The following HORMAD2 variants were observed in gnomAD, a reference collection of about 807,000 sequenced individuals.
HORMAD2 encodes the protein HORMA domain-containing protein 2.
A neutral mutation model predicts 38.8 loss-of-function variants in HORMAD2; 45 were observed. The ratio of observed to expected loss-of-function variants is 1.16; its 90% CI spans 0.91 to 1.49. The LOEUF is 1.49. Among genes scored for constraint, HORMAD2 ranks in the 40% most tolerant of loss-of-function variants. The pLI is 0.00. For missense variants in HORMAD2, 338 were observed against 367.0 expected, an observed-to-expected ratio of 0.92 and a Z score of 0.65; for synonymous variants, 126 against 122.8, an observed-to-expected ratio of 1.03 and a Z score of -0.17.
the HORMAD2 span, among the ~76,000 whole-genome samples, chr22:30,198,575 C>T: frequency 6.6e-6 from 1 of 152,036 alleles, no homozygotes; most frequent in Non-Finnish European, 1.5e-5. Context: ...CTGAACTAGG[C>T]CAGCCCCTAA....
intron 1 of HORMAD2, among the ~76,000 whole-genome samples, chr22:30,088,083 G>A (rs113172601): frequency 1.4e-3 from 121 of 88,252 alleles, no homozygotes; most frequent in South Asian, 6.3e-3. Context: ...GTACACACGT[G>A]TACATATACA....
At position 30,165,034 on chromosome 22, in the gene HORMAD2, G is replaced by T. The variant is rs1387627574; in HGVS notation, c.820-11029G>T. ...TCCTTGTTAATTCCAATGTTATGAT[G>T]ATTTTCCCTATGTTTTCTTGTTTTG... On this transcript the variant is annotated intron_variant, in intron 10 of 10. Coordinates refer to ENST00000336726, the MANE Select transcript of HORMAD2 (RefSeq NM_152510.4). 2.6e-5 allele frequency among the ~76,000 whole-genome samples: 4 copies of T among 151,978 alleles called. No individual in the cohort carries two copies. The East Asian group carries it at 7.7e-4, about 29-fold the overall frequency.
chr22:30,148,985 A>G (rs556533626), intron 10 of HORMAD2, among the ~76,000 whole-genome samples: 19 of 152,326 alleles, frequency 1.2e-4, no homozygotes, highest in Admixed American at 1.1e-3. Flanking sequence ...TCTCGAAAAA[A>G]AAAATTAGAC....
At chr22:30,105,848 A>G (rs1197690079) in intron 5 of HORMAD2, among the ~76,000 whole-genome samples, 2 of 152,160 alleles carry the variant, frequency 1.3e-5, no homozygotes, top group East Asian at 3.8e-4. Flanking sequence ...ATCACCTTAC[A>G]GTGTCTCTTT....
chr22:30,187,901 G>T, the HORMAD2 span, among the ~76,000 whole-genome samples: 1 of 152,012 alleles, frequency 6.6e-6, no homozygotes, highest in Non-Finnish European at 1.5e-5. Flanking sequence ...CAGTGGGGGT[G>T]GTGTGGGGGA....
At chr22:30,101,816 A>C (rs1339782837) in intron 3 of HORMAD2, among the ~76,000 whole-genome samples, 1 of 152,134 alleles carries the variant, frequency 6.6e-6, no homozygotes, top group South Asian at 2.1e-4. Flanking sequence ...AAGTGTAACC[A>C]TAACACTTTG....
chr22:30,114,710 T>C (rs1305688458), intron 7 of HORMAD2, among the ~76,000 whole-genome samples: 1 of 152,218 alleles, frequency 6.6e-6, no homozygotes, highest in African/African-American at 2.4e-5. Context: ...GAAGAGTATG[T>C]CATGGTATAA....
chr22:30,129,217 CAA>C (rs750796623), intron 10 of HORMAD2, among the ~76,000 whole-genome samples: 1 of 22,650 alleles, frequency 4.4e-5, no homozygotes, highest in Admixed American at 7.6e-4. Context: ...GACTCTATCT[CAA>C]AAAAAAAAAA....
intron 10 of HORMAD2, among the ~76,000 whole-genome samples, chr22:30,151,722 T>C (rs571778863): frequency 6.6e-6 from 1 of 152,294 alleles, no homozygotes; most frequent in East Asian, 1.9e-4. Flanking sequence ...TTTTAGAGGT[T>C]GCCAGAACAT....
At chr22:30,207,180 G>A in the HORMAD2 span, 2 of 447,314 alleles carry the variant, frequency 4.5e-6, no homozygotes, top group South Asian at 3.2e-5. Flanking sequence ...CCGCAGAGAG[G>A]TTTGGAAGGT....
the HORMAD2 span, among the ~76,000 whole-genome samples, chr22:30,194,964 G>A: frequency 2.0e-5 from 3 of 152,156 alleles, no homozygotes; most frequent in Admixed American, 6.5e-5. Flanking sequence ...AGGCCGAGGC[G>A]GGTGGATTAT....
At chr22:30,169,230 C>G (rs1925964827) in intron 10 of HORMAD2, among the ~76,000 whole-genome samples, 1 of 152,148 alleles carries the variant, frequency 6.6e-6, no homozygotes, top group African/African-American at 2.4e-5. Flanking sequence ...ATATATGACT[C>G]TGTCATTTCC....
At chr22:30,119,238 T>A (rs181275778) in intron 8 of HORMAD2, among the ~76,000 whole-genome samples, 191 bp downstream of exon 8, 1 of 152,136 alleles carries the variant, frequency 6.6e-6, no homozygotes. Context: ...CTGGTGGGAA[T>A]AGAGAAAATG....
intron 10 of HORMAD2, among the ~76,000 whole-genome samples, chr22:30,143,303 T>G (rs1001419573): frequency 7.9e-5 from 12 of 152,252 alleles, no homozygotes; most frequent in African/African-American, 2.9e-4. Flanking sequence ...AATTATTGTG[T>G]GTGATAATTT....
chr22:30,146,500 A>G (rs1924428850), intron 10 of HORMAD2, among the ~76,000 whole-genome samples: 1 of 152,224 alleles, frequency 6.6e-6, no homozygotes, highest in South Asian at 2.1e-4. Flanking sequence ...TCTCAAAAAA[A>G]GAAAAGAAAA....
At chr22:30,115,076 C>T (rs1921941299) in intron 7 of HORMAD2, among the ~76,000 whole-genome samples, 2 of 152,120 alleles carry the variant, frequency 1.3e-5, no homozygotes, top group Admixed American at 6.5e-5. Flanking sequence ...CTTATGGTTT[C>T]ACTATCTATT....
chr22:30,112,655 G>A (rs1051164266), intron 7 of HORMAD2, 133 bp downstream of exon 7: 1 of 438,370 alleles, frequency 2.3e-6, no homozygotes, highest in Non-Finnish European at 4.1e-6. Flanking sequence ...GGCTCTTTCA[G>A]TATATTTTAC....
chr22:30,207,307 C>T, the HORMAD2 span: 20 of 285,612 alleles, frequency 7.0e-5, no homozygotes, highest in Non-Finnish European at 1.3e-4. Flanking sequence ...CACACATGTC[C>T]GCATTCCAGG....
chr22:30,108,602 A>G (rs1921385372), intron 5 of HORMAD2, among the ~76,000 whole-genome samples: 2 of 151,966 alleles, frequency 1.3e-5, no homozygotes, highest in South Asian at 4.2e-4. Flanking sequence ...CCTAGCCTAG[A>G]TGGTCCCTTT....
Sources: gnomAD v4.1 joint callset for allele counts (sites outside exome capture counted in the v4.1 genomes callset) on GRCh38, gnomAD v4.1.1 for gene constraint, MANE v1.5 for transcripts, NCBI Gene and HGNC (gene_info 2026-07-23, HGNC 2026-07-21) for gene names.